Variants in FAM120B observed in about 807,000 individuals in gnomAD.
FAM120B encodes the protein family with sequence similarity 120 member B.
FAM120B carries 83 observed loss-of-function variants against 96.3 expected under a neutral mutation model. That is an observed-to-expected ratio of 0.86 (90% confidence interval 0.72 to 1.03). The LOEUF is 1.03. Among genes scored for constraint, FAM120B ranks in the 50% least tolerant of loss-of-function variants. FAM120B has a pLI of 0.00. For missense variants in FAM120B, 1,027 were observed against 1,121.2 expected (o/e 0.92, Z 1.20); for synonymous variants, 407 against 402.7 (o/e 1.01, Z -0.13).
intron 1 of FAM120B, among the ~76,000 whole-genome samples, chr6:170,297,047 C>T (rs1005425021): frequency 8.5e-5 from 13 of 152,312 alleles, no homozygotes; most frequent in Non-Finnish European, 1.5e-4. Flanking sequence ...AGCGGGGGCA[C>T]GCGGGGGGCT....
chr6:170,404,749 C>G lies in FAM120B; in HGVS notation c.*12-14C>G. The G allele has an allele frequency of 1.5e-6, 1 of 658,832 alleles. No individual in the cohort carries two copies. The highest frequency in any genetic ancestry group is 2.7e-6 in the Non-Finnish European group (1 of 375,864). The allele number at this position is 658,832 out of a possible 1,614,324, so 40.8% of individuals were successfully genotyped here. A position where few individuals can be genotyped will look rare whatever the true frequency, so the allele number is the denominator to read the frequency against. ...CGAGTTAACTTGGTTTCAAAACACT[C>G]TTGCTTCCTCCAGAAAGAGTATGGA... On this transcript the variant is annotated splice_polypyrimidine_tract_variant and intron_variant, in intron 10 of 10. Coordinates refer to ENST00000476287, the MANE Select transcript of FAM120B (RefSeq NM_032448.3).
chr6:170,311,074 G>A (rs1784563011), intron 1 of FAM120B, among the ~76,000 whole-genome samples: 1 of 152,224 alleles, frequency 6.6e-6, no homozygotes, highest in Admixed American at 6.5e-5. Context: ...CTAGCCTTGG[G>A]ATTCTCCCAG....
intron 3 of FAM120B, among the ~76,000 whole-genome samples, chr6:170,329,530 C>T (rs1785856637): frequency 1.3e-5 from 2 of 152,190 alleles, no homozygotes; most frequent in Admixed American, 1.3e-4. Flanking sequence ...TGTGGCATCA[C>T]AGGTGCTGAT....
intron 3 of FAM120B, among the ~76,000 whole-genome samples, chr6:170,327,752 G>A (rs969203267): frequency 6.7e-6 from 1 of 148,710 alleles, no homozygotes; most frequent in Non-Finnish European, 1.5e-5. Flanking sequence ...GTCCATGAGT[G>A]AATGAAGAGT....
chr6:170,383,117 A>G (rs1583298746), intron 6 of FAM120B, among the ~76,000 whole-genome samples: 1 of 150,474 alleles, frequency 6.6e-6, no homozygotes, highest in East Asian at 2.0e-4. Flanking sequence ...AAAAAAAAAA[A>G]GGACCTTGTC....
chr6:170,391,449 C>T lies in FAM120B; in HGVS notation c.2599+328C>T, dbSNP rs190108618. ...ACTTGGGAGGCTGAGGAAGGAGGAT[C>T]ACTTGAACCTGGGAGGTGGAGGTTG... On this transcript the variant is annotated intron_variant, in intron 8 of 10. Transcript: ENST00000476287. Among the ~76,000 whole-genome samples, 10 of 152,140 alleles carry T rather than the reference C, an allele frequency of 6.6e-5. No homozygotes were observed. In the East Asian group the frequency reaches 1.9e-3, roughly 29 times the overall value.
At chr6:170,350,208 C>G (rs546092631) in intron 5 of FAM120B, among the ~76,000 whole-genome samples, 1 of 152,178 alleles carries the variant, frequency 6.6e-6, no homozygotes, top group Non-Finnish European at 1.5e-5. Context: ...AGGAGCCAAA[C>G]GGCATCATTC....
intron 3 of FAM120B, among the ~76,000 whole-genome samples, chr6:170,325,358 T>G (rs929392444): frequency 1.3e-5 from 2 of 152,270 alleles, no homozygotes; most frequent in Admixed American, 6.5e-5. Flanking sequence ...AGTCTCTCTT[T>G]TAATTGGAAT....
chr6:170,300,426 G>A (rs2114979691), intron 1 of FAM120B, among the ~76,000 whole-genome samples: 1 of 152,244 alleles, frequency 6.6e-6, no homozygotes, highest in South Asian at 2.1e-4. Flanking sequence ...GGGAACTACA[G>A]TTCAAGATGA....
chr6:170,353,612 G>T (rs753163154), intron 5 of FAM120B, among the ~76,000 whole-genome samples: 3 of 151,694 alleles, frequency 2.0e-5, no homozygotes, highest in Admixed American at 6.6e-5. Context: ...ATATAAAATC[G>T]CCAGTATTCC....
rs1192518680 is a variant in FAM120B at position 170,318,626 on chromosome 6, A to C, written c.1236A>C (p.Glu412Asp). ...PMCSDPEPRQ[E>D]VPMCTGPEAR... ...GTTCAGACCCTGAACCCAGGCAAGA[A>C]GTTCCCATGTGTACAGGCCCTGAAG... The change falls in exon 2 of 11, where the codon GAA (glutamate) becomes GAC (aspartate). Residue 412 changes from glutamate (E) to aspartate (D), a missense_variant. Glu to Asp is a conservative substitution (Grantham distance 45). Transcript: ENST00000476287. The C allele has an allele frequency of 2.5e-6, 4 of 1,597,728 alleles. No homozygotes were observed. In the African/African-American group the frequency reaches 5.4e-5, roughly 21 times the overall value.
intron 6 of FAM120B, among the ~76,000 whole-genome samples, chr6:170,365,256 A>G (rs888849664): frequency 1.3e-5 from 2 of 152,244 alleles, no homozygotes; most frequent in Non-Finnish European, 2.9e-5. Context: ...ACCAAGGCTA[A>G]TGAGAGGCTT....
chr6:170,401,873 G>T (rs2115347851), intron 9 of FAM120B, among the ~76,000 whole-genome samples: 1 of 152,348 alleles, frequency 6.6e-6, no homozygotes, highest in East Asian at 1.9e-4. Context: ...TTTCAGAAAG[G>T]GGTTACTCAG....
intron 5 of FAM120B, among the ~76,000 whole-genome samples, chr6:170,353,270 CA>C (rs147246997): frequency 4.0e-5 from 6 of 150,970 alleles, no homozygotes; most frequent in African/African-American, 1.2e-4. Context: ...ACCAAACAAA[CA>C]AAAAAAAATC....
intron 6 of FAM120B, among the ~76,000 whole-genome samples, chr6:170,378,547 G>T (rs1789715910): frequency 6.6e-6 from 1 of 152,254 alleles, no homozygotes; most frequent in African/African-American, 2.4e-5. Flanking sequence ...ACTCTGTGAA[G>T]AGAATGGGTA....
At chr6:170,355,790 A>G (rs1787906685) in intron 5 of FAM120B, among the ~76,000 whole-genome samples, 1 of 152,210 alleles carries the variant, frequency 6.6e-6, no homozygotes, top group Non-Finnish European at 1.5e-5. Context: ...GCATGTATGC[A>G]CTATTGGTTA....
At chr6:170,403,629 A>C (rs1015782723) in intron 9 of FAM120B, among the ~76,000 whole-genome samples, 15 of 152,098 alleles carry the variant, frequency 9.9e-5, no homozygotes, top group African/African-American at 3.1e-4. Context: ...CCGAGAACAA[A>C]GGCTGCTCAA....
In FAM120B at chr6:170,296,944, G is replaced by T. The variant is rs991322360; in HGVS notation, c.48+1491G>T. ...GCGCTGAGAGGGGCGATGGGCGGACGGGCCGTGCCCACCACAGGGAGGTCG... is the reference window on the plus strand; with the variant it reads ...GCGCTGAGAGGGGCGATGGGCGGACTGGCCGTGCCCACCACAGGGAGGTCG... On this transcript the variant is annotated intron_variant, in intron 1 of 10. Coordinates refer to the FAM120B transcript ENST00000537664. Among the ~76,000 whole-genome samples, 3 of 152,316 alleles carry T rather than the reference G, an allele frequency of 2.0e-5. No homozygotes were observed. The East Asian group carries it at 5.8e-4, about 29-fold the overall frequency.
chr6:170,357,371 G>A (rs573429110), intron 5 of FAM120B, among the ~76,000 whole-genome samples: 11 of 152,238 alleles, frequency 7.2e-5, no homozygotes, highest in South Asian at 2.1e-4. Flanking sequence ...TGGACCGTCC[G>A]TGTCTTCCCC....
Sources: gnomAD v4.1 joint callset for allele counts (sites outside exome capture counted in the v4.1 genomes callset) on GRCh38, gnomAD v4.1.1 for gene constraint, MANE v1.5 for transcripts, NCBI Gene and HGNC (gene_info 2026-07-23, HGNC 2026-07-21) for gene names.